Variants in TTC12 observed in about 807,000 individuals in gnomAD.
TTC12 encodes the protein tetratricopeptide repeat protein 12.
A neutral mutation model predicts 90.1 loss-of-function variants in TTC12; 70 were observed. The ratio of observed to expected loss-of-function variants is 0.78; its 90% CI spans 0.64 to 0.95. The LOEUF (loss-of-function observed/expected upper bound fraction) is 0.95. Ranked by LOEUF, TTC12 falls within the 40% of genes least tolerant of loss-of-function variation. The pLI is 0.00. For missense variants in TTC12, 819 were observed against 846.1 expected, an observed-to-expected ratio of 0.97 and a Z score of 0.40; for synonymous variants, 296 against 311.5, an observed-to-expected ratio of 0.95 and a Z score of 0.53.
rs140835432 is a variant in TTC12, at chr11:113,352,354, A to AT, written c.1446+148dup. The stretch of plus-strand genomic sequence containing the variant: ...TATCCCTTCTGTAACCACGGATTTT[A>AT]TGCACTGCTGGCCTTAAAGAGCCCT... On this transcript the variant is annotated intron_variant, in intron 16 of 21. Coordinates refer to ENST00000529221, the MANE Select transcript of TTC12 (RefSeq NM_017868.4). 4,086 of 935,286 alleles carry AT rather than the reference A, an allele frequency of 4.4e-3. 81 individuals carry two copies. Among genetic ancestry groups the AT allele is most frequent in the African/African-American group, 0.035 (2,060 of 59,576 alleles). The allele number at this position is 935,286 out of a possible 1,614,324, so 57.9% of individuals were successfully genotyped here.
chr11:113,359,882 G>A (rs1196632873), intron 17 of TTC12, 58 bp from the exon 18 acceptor site: 4 of 1,410,122 alleles, frequency 2.8e-6, no homozygotes, highest in African/African-American at 2.8e-5. Context: ...AAGCTCCGCT[G>A]AGAATTCAGA....
rs1007603047 is a variant in TTC12 at position 113,364,820 on chromosome 11, C to A, written c.1817-15C>A. The A allele has an allele frequency of 4.3e-6, 7 of 1,612,198 alleles. No individual in the cohort carries two copies. The African/African-American group carries it at 9.3e-5, about 22-fold the overall frequency. On this transcript the variant is annotated splice_polypyrimidine_tract_variant and intron_variant, in intron 20 of 21. Transcript: ENST00000529221. ...ATTAAAAGGAGCTGTTGCTTGTTCT[C>A]TTCTTTCCCTGCAGAGTTGAGCGTT...
downstream of TTC12, among the ~76,000 whole-genome samples, chr11:113,370,459 C>G (rs930712484): frequency 6.6e-6 from 1 of 152,246 alleles, no homozygotes; most frequent in Admixed American, 6.5e-5. Flanking sequence ...TGTGGGTGGC[C>G]ACATGCCAGC....
intron 20 of TTC12, chr11:113,364,539 A>G (rs1950103066): frequency 2.5e-6 from 1 of 405,406 alleles, no homozygotes; most frequent in Non-Finnish European, 4.7e-6. Context: ...AGAGGTTAAG[A>G]ATAGGCTTTC....
chr11:113,347,066 T>C (rs1485886875), intron 13 of TTC12, among the ~76,000 whole-genome samples: 2 of 152,224 alleles, frequency 1.3e-5, no homozygotes, highest in African/African-American at 4.8e-5. Flanking sequence ...TGAGGGGGCC[T>C]AGCTGCTTAT....
chr11:113,354,752 G>T (rs370527197), intron 16 of TTC12, among the ~76,000 whole-genome samples: 2 of 152,168 alleles, frequency 1.3e-5, no homozygotes, highest in East Asian at 3.8e-4. Flanking sequence ...TATTTGTGAT[G>T]AATCACATTT....
At chr11:113,336,646 C>G (rs782348711) in intron 8 of TTC12, among the ~76,000 whole-genome samples, 69 of 152,224 alleles carry the variant, frequency 4.5e-4, no homozygotes, top group Admixed American at 8.5e-4. Flanking sequence ...GCACCCTTGT[C>G]AAAAATCAAT....
downstream of TTC12, chr11:113,368,169 T>G: frequency 7.1e-7 from 1 of 1,399,686 alleles, no homozygotes; most frequent in Non-Finnish European, 9.4e-7. Flanking sequence ...AATTACGTTA[T>G]TATGTTTATT....
chr11:113,331,312 T>C (rs190218244), intron 7 of TTC12, among the ~76,000 whole-genome samples: 57 of 152,346 alleles, frequency 3.7e-4, no homozygotes, highest in African/African-American at 1.3e-3. Flanking sequence ...TCTACCATTA[T>C]TCTGCAGGAG....
intron 13 of TTC12, 108 bp from the exon 14 acceptor site, chr11:113,349,965 A>AT (rs1266926344): frequency 5.7e-6 from 5 of 875,190 alleles, no homozygotes; most frequent in African/African-American, 1.7e-5. Context: ...CTTTCTGCTT[A>AT]TTTCACCCGG....
At chr11:113,315,643 C>T (rs1346160943) in intron 1 of TTC12, among the ~76,000 whole-genome samples, 3 of 152,118 alleles carry the variant, frequency 2.0e-5, no homozygotes, top group Non-Finnish European at 4.4e-5. Flanking sequence ...GGGGCCTTCT[C>T]GCACAAAAAC....
At chr11:113,348,211 C>T (rs558190825) in intron 13 of TTC12, among the ~76,000 whole-genome samples, 4 of 152,310 alleles carry the variant, frequency 2.6e-5, no homozygotes, top group African/African-American at 7.2e-5. Context: ...GGTCTTCACA[C>T]CAGTTCATCT....
intron 12 of TTC12, among the ~76,000 whole-genome samples, chr11:113,342,140 G>A (rs189489215): frequency 1.3e-5 from 2 of 152,212 alleles, no homozygotes; most frequent in African/African-American, 2.4e-5. Context: ...TCAGCATAAT[G>A]AGTGGTCTCC....
chr11:113,371,325 G>A (rs1470482380), downstream of TTC12: 1 of 152,088 alleles, frequency 6.6e-6, no homozygotes, highest in Non-Finnish European at 1.5e-5. Flanking sequence ...CTAACACAAT[G>A]TAAATTCTAT....
chr11:113,360,060 T>C, intron 18 of TTC12, 52 bp downstream of exon 18: 2 of 1,171,098 alleles, frequency 1.7e-6, no homozygotes, highest in Non-Finnish European at 2.5e-6. Context: ...TCTTGTTTTG[T>C]TTTGTTTTGT....
intron 4 of TTC12, chr11:113,324,351 T>A (rs1947549559): frequency 9.2e-6 from 5 of 545,416 alleles, no homozygotes; most frequent in Non-Finnish European, 1.6e-5. Context: ...AAAGAAAAAC[T>A]CTTTTAAAAG....
downstream of TTC12, chr11:113,368,470 A>G: frequency 1.9e-6 from 3 of 1,550,470 alleles, no homozygotes; most frequent in Non-Finnish European, 2.6e-6. Flanking sequence ...CCAGGTAATC[A>G]GAGTCTTCTG....
At chr11:113,332,374 C>T (rs1002811317) in intron 7 of TTC12, among the ~76,000 whole-genome samples, 2 of 152,184 alleles carry the variant, frequency 1.3e-5, no homozygotes, top group South Asian at 2.1e-4. Context: ...CTGCACTTCA[C>T]GGTGACACAC....
At chr11:113,356,566 G>A (rs1949648258) in intron 16 of TTC12, among the ~76,000 whole-genome samples, 1 of 152,206 alleles carries the variant, frequency 6.6e-6, no homozygotes, top group South Asian at 2.1e-4. Context: ...GTGTGTGTTT[G>A]TAGAAGCTGG....
Sources: allele counts gnomAD v4.1 joint callset (sites outside exome capture counted in the v4.1 genomes callset), GRCh38; gene constraint gnomAD v4.1.1; transcripts MANE v1.5; gene names NCBI Gene and HGNC (gene_info 2026-07-23, HGNC 2026-07-21).